The following PARD3B variants were observed in gnomAD, a reference collection of about 807,000 sequenced individuals.
PARD3B encodes par-3 family cell polarity regulator beta.
PARD3B carries 103 observed loss-of-function variants against 130.2 expected under a neutral mutation model. That is an observed-to-expected ratio of 0.79 (90% confidence interval 0.67 to 0.93). The LOEUF is 0.93. Among genes scored for constraint, PARD3B ranks in the 40% least tolerant of loss-of-function variants. The pLI is 0.00. For missense variants in PARD3B, 1,609 were observed against 1,499.2 expected, an observed-to-expected ratio of 1.07 and a Z score of -1.21; for synonymous variants, 583 against 553.2, an observed-to-expected ratio of 1.05 and a Z score of -0.76.
intron 16 of PARD3B, among the ~76,000 whole-genome samples, chr2:205,279,040 C>T (rs62171469): frequency 0.032 from 4,063 of 128,756 alleles, 68 homozygotes; most frequent in Middle Eastern, 0.093. Flanking sequence ...CACTTCACCC[C>T]AGCCTGGATG....
At chr2:204,706,408 A>C (rs1339326087) in intron 2 of PARD3B, among the ~76,000 whole-genome samples, 1 of 151,938 alleles carries the variant, frequency 6.6e-6, no homozygotes, top group Non-Finnish European at 1.5e-5. Flanking sequence ...GGTAAGGAGA[A>C]ATCCATCCAG....
chr2:205,617,487 A>G lies in PARD3B; in HGVS notation c.*1674A>G, dbSNP rs1268322057. On this transcript the variant is annotated 3_prime_UTR_variant, in exon 23 of 23. Coordinates refer to ENST00000406610, the MANE Select transcript of PARD3B (RefSeq NM_001302769.2). ...CAGCTTACTCTTATCTTTTTAATTTAAAATAGTATTCTGCTACCAAGAAGG... is the reference window on the plus strand; with the variant it reads ...CAGCTTACTCTTATCTTTTTAATTTGAAATAGTATTCTGCTACCAAGAAGG... 1 of 152,242 alleles carries G rather than the reference A, an allele frequency of 6.6e-6. No homozygotes were observed. Among genetic ancestry groups the G allele is most frequent in the Non-Finnish European group, 1.5e-5 (1 of 68,048 alleles). The allele number at this position is 152,242 out of a possible 1,614,324, so 9.4% of individuals were successfully genotyped here.
intron 6 of PARD3B, among the ~76,000 whole-genome samples, chr2:205,118,031 A>C (rs1215223112): frequency 6.6e-6 from 1 of 152,084 alleles, no homozygotes; most frequent in Non-Finnish European, 1.5e-5. Flanking sequence ...AGCCACAAAA[A>C]TCCAGAGGCC....
chr2:204,811,944 A>G (rs970280439), intron 2 of PARD3B, among the ~76,000 whole-genome samples: 1 of 152,116 alleles, frequency 6.6e-6, no homozygotes, highest in African/African-American at 2.4e-5. Flanking sequence ...TACTTTTTTT[A>G]ACATATGTAT....
chr2:205,408,003 T>C (rs1039486536), intron 19 of PARD3B, among the ~76,000 whole-genome samples: 8 of 152,204 alleles, frequency 5.3e-5, no homozygotes, highest in African/African-American at 1.7e-4. Context: ...AGCTTCAGCA[T>C]TGAAAAGTAT....
At chr2:204,592,418 A>G (rs114963808) in intron 1 of PARD3B, among the ~76,000 whole-genome samples, 1 of 152,216 alleles carries the variant, frequency 6.6e-6, no homozygotes. Context: ...AGGAAAGCCT[A>G]CCATGAAATT....
chr2:205,440,780 A>G lies in PARD3B; in HGVS notation c.3044+108A>G, dbSNP rs751808646. The G allele has an allele frequency of 4.4e-6, 5 of 1,146,876 alleles. No individual in the cohort carries two copies. Among genetic ancestry groups the G allele is most frequent in the Non-Finnish European group, 6.1e-6 (5 of 817,878 alleles). 71.0% of individuals were successfully genotyped at this position (1,146,876 alleles called of 1,614,324 possible). A position where few individuals can be genotyped will look rare whatever the true frequency, so the allele number is the denominator to read the frequency against. ...TCTCCTTCAATCAATTAAAACTGAA[A>G]CGAGTCAGTACCCTAGACAAGTGCC... On this transcript the variant is annotated intron_variant, in intron 20 of 22. Coordinates refer to ENST00000406610, the MANE Select transcript of PARD3B (RefSeq NM_001302769.2). The surrounding 1 kb of genome is among the most constrained non-coding windows in gnomAD (Gnocchi z 4.2).
chr2:205,148,931 G>A (rs1022794377), intron 10 of PARD3B, among the ~76,000 whole-genome samples: 2 of 152,162 alleles, frequency 1.3e-5, no homozygotes, highest in African/African-American at 4.8e-5. Context: ...AAAAGGTTCA[G>A]CATGGATGCT....
chr2:204,672,744 A>G (rs2036365452), intron 1 of PARD3B, among the ~76,000 whole-genome samples: 1 of 152,142 alleles, frequency 6.6e-6, no homozygotes, highest in Non-Finnish European at 1.5e-5. Flanking sequence ...CCTTTTGCTC[A>G]CTTCCTGCTG....
chr2:205,525,662 G>A lies in PARD3B; in HGVS notation c.3180+25631G>A, dbSNP rs930333323. On this transcript the variant is annotated intron_variant, in intron 21 of 22. Coordinates refer to ENST00000406610, the MANE Select transcript of PARD3B (RefSeq NM_001302769.2). This position sits in a 1 kb window ranked among gnomAD's most constrained non-coding sequence, Gnocchi z 4.2. Reference sequence around the variant, plus strand: ...TATAATACAGTAGGAAATTCTCTCTGCAGGTTCAGAACAGTACACATGAGA... The same window carrying A: ...TATAATACAGTAGGAAATTCTCTCTACAGGTTCAGAACAGTACACATGAGA... 2.6e-5 allele frequency among the ~76,000 whole-genome samples: 4 copies of A among 152,144 alleles called. No individual in the cohort carries two copies. Among genetic ancestry groups the A allele is most frequent in the Admixed American group, 2.0e-4 (3 of 15,270 alleles).
chr2:204,705,230 G>T (rs2125285380), intron 2 of PARD3B, among the ~76,000 whole-genome samples: 1 of 152,310 alleles, frequency 6.6e-6, no homozygotes, highest in East Asian at 1.9e-4. Flanking sequence ...CTAGGGCACT[G>T]GTGATATGAG....
chr2:204,901,492 G>T (rs1396798820), intron 2 of PARD3B, among the ~76,000 whole-genome samples: 2 of 151,530 alleles, frequency 1.3e-5, no homozygotes, highest in Non-Finnish European at 2.9e-5. Flanking sequence ...TTAGGGCAGA[G>T]GGCTCCCCTC....
intron 2 of PARD3B, among the ~76,000 whole-genome samples, chr2:204,718,728 G>A (rs991697161): frequency 1.3e-5 from 2 of 152,180 alleles, no homozygotes; most frequent in Non-Finnish European, 2.9e-5. Context: ...TTCGCAGGGA[G>A]CAAGAGTACC....
intron 2 of PARD3B, among the ~76,000 whole-genome samples, chr2:204,768,731 G>T (rs967951842): frequency 1.9e-5 from 1 of 53,478 alleles, no homozygotes; most frequent in Admixed American, 2.5e-4. Flanking sequence ...CTTGTAAGTT[G>T]GATTCCTAGG....
chr2:204,604,981 T>A (rs2033655849), intron 1 of PARD3B, among the ~76,000 whole-genome samples: 1 of 152,076 alleles, frequency 6.6e-6, no homozygotes, highest in Non-Finnish European at 1.5e-5. Flanking sequence ...ACTGGAAGGC[T>A]GGGCCCAGCT....
At chr2:204,720,341 T>C (rs560084019) in intron 2 of PARD3B, among the ~76,000 whole-genome samples, 1 of 152,228 alleles carries the variant, frequency 6.6e-6, no homozygotes, top group African/African-American at 2.4e-5. Flanking sequence ...ATGAACTGCG[T>C]TTTTGTGTGT....
Position 205,300,855 on chromosome 2 carries a change from A to G in PARD3B, c.2392+119A>G, listed in dbSNP as rs2041971883. 9.2e-7 allele frequency: 1 copy of G among 1,091,048 alleles called. No individual in the cohort carries two copies. Among genetic ancestry groups the G allele is most frequent in the Non-Finnish European group, 1.3e-6 (1 of 780,388 alleles). The allele number at this position is 1,091,048 out of a possible 1,614,324, so 67.6% of individuals were successfully genotyped here. A position where few individuals can be genotyped will look rare whatever the true frequency, so the allele number is the denominator to read the frequency against. ...TTTAAGGATCACAATTATATTTTTGATATTAAAAGTAATTCATTTTCCTGA... is the reference window on the plus strand; with the variant it reads ...TTTAAGGATCACAATTATATTTTTGGTATTAAAAGTAATTCATTTTCCTGA... On this transcript the variant is annotated intron_variant, in intron 17 of 22. Transcript: ENST00000406610. This position sits in a 1 kb window ranked among gnomAD's most constrained non-coding sequence, Gnocchi z 4.1.
chr2:204,655,406 T>C lies in PARD3B; in HGVS notation c.121-30775T>C, dbSNP rs1389054864. Among the ~76,000 whole-genome samples the C allele has an allele frequency of 2.6e-5, 4 of 152,102 alleles. No homozygotes were observed. In the South Asian group the frequency reaches 8.3e-4, roughly 32 times the overall value. ...TGATTTACTCTGCTTGTCTGTTCTA[T>C]ATAAGATGCCCCCATTTGTTGCCTG... On this transcript the variant is annotated intron_variant, in intron 1 of 22. Coordinates refer to ENST00000406610, the MANE Select transcript of PARD3B (RefSeq NM_001302769.2).
chr2:204,804,433 C>A lies in PARD3B; in HGVS notation c.222+118151C>A, dbSNP rs147616664. Among the ~76,000 whole-genome samples the A allele has an allele frequency of 4.4e-3, 673 of 152,232 alleles. 7 individuals are homozygous for A. The highest frequency in any genetic ancestry group is 0.016 in the South Asian group (77 of 4,828). ...TTATATAATGATAAAGGGATCAATTCAGCAAGAGGATATCACAGTTGTAAA... is the reference window on the plus strand; with the variant it reads ...TTATATAATGATAAAGGGATCAATTAAGCAAGAGGATATCACAGTTGTAAA... On this transcript the variant is annotated intron_variant, in intron 2 of 22. Coordinates refer to ENST00000406610, the MANE Select transcript of PARD3B (RefSeq NM_001302769.2).
Sources: gnomAD v4.1 joint callset for allele counts (sites outside exome capture counted in the v4.1 genomes callset) on GRCh38, gnomAD v4.1.1 for gene constraint, Gnocchi (gnomAD v3.1) non-coding constraint, MANE v1.5 for transcripts, NCBI Gene and HGNC (gene_info 2026-07-23, HGNC 2026-07-21) for gene names.